The following HS6ST2 variants were observed in gnomAD, a reference collection of about 807,000 sequenced individuals.
HS6ST2 encodes heparan sulfate 6-O-sulfotransferase 2.
In HS6ST2, 17 loss-of-function variants were observed where a neutral mutation model predicts 33.0. The observed-to-expected ratio is 0.52, with a 90% CI of 0.35 to 0.77. HS6ST2 has a LOEUF of 0.77. HS6ST2 is among the 30% of genes least tolerant of loss of function. The probability of loss-of-function intolerance (pLI) is 0.01; values close to 1 mark genes in which losing one functional copy is unlikely to be tolerated. For missense variants in HS6ST2, 519 were observed against 551.7 expected (o/e 0.94, Z 0.59); for synonymous variants, 248 against 237.1 (o/e 1.05, Z -0.42).
At chrX:132,637,878 A>ATTATATATATATTTTATATATTATAT (rs1218862211) in intron 4 of HS6ST2, among the ~76,000 whole-genome samples, 1 of 43,071 alleles carries the variant, frequency 2.3e-5, no homozygotes, top group Non-Finnish European at 3.2e-5. Flanking sequence ...TATATATAAT[A>ATTATATATATATTTTATATATTATAT]TATATATAAT....
At chrX:132,802,726 C>T (rs1393821150) in intron 2 of HS6ST2, among the ~76,000 whole-genome samples, 1 of 109,794 alleles carries the variant, frequency 9.1e-6, no homozygotes, top group Non-Finnish European at 1.9e-5. Context: ...GCAAAAACAC[C>T]AAACTGAGCC....
intron 2 of HS6ST2, among the ~76,000 whole-genome samples, chrX:132,757,830 C>A (rs1191382349): frequency 1.8e-5 from 2 of 111,919 alleles, no homozygotes; most frequent in African/African-American, 3.2e-5. Context: ...ATGTTTTGGG[C>A]TCATTTATAG....
At chrX:132,884,576 G>A (rs2066226778) in intron 2 of HS6ST2, among the ~76,000 whole-genome samples, 1 of 112,172 alleles carries the variant, frequency 8.9e-6, no homozygotes, top group African/African-American at 3.2e-5. Context: ...AAGAGTAACT[G>A]TGTCTAATCT....
chrX:132,664,581 T>C (rs1307049786), intron 4 of HS6ST2, among the ~76,000 whole-genome samples: 1 of 111,702 alleles, frequency 9.0e-6, no homozygotes, highest in East Asian at 2.8e-4. Context: ...ACCTTCTTTT[T>C]CTCCATTTTA....
chrX:132,942,928 G>C (rs936967419), intron 2 of HS6ST2, among the ~76,000 whole-genome samples: 14 of 111,998 alleles, frequency 1.3e-4, no homozygotes, highest in Non-Finnish European at 2.3e-4. Flanking sequence ...TTAAAATACA[G>C]TTAAGGTCCT....
intron 2 of HS6ST2, among the ~76,000 whole-genome samples, chrX:132,880,947 G>A (rs1479769642): frequency 9.1e-6 from 1 of 109,576 alleles, no homozygotes; most frequent in East Asian, 2.9e-4. Context: ...CCCTACAAAG[G>A]ACATGCACTC....
chrX:132,712,372 C>T (rs767173373), intron 2 of HS6ST2, among the ~76,000 whole-genome samples: 1 of 111,955 alleles, frequency 8.9e-6, no homozygotes, highest in South Asian at 3.7e-4. Context: ...GCAAAAAATG[C>T]CTTATGTTAA....
Position 132,781,218 on chromosome X carries a change from T to G in HS6ST2, c.948-72724A>C, listed in dbSNP as rs758254476. On this transcript the variant is annotated intron_variant, in intron 2 of 4. Coordinates refer to ENST00000370833, the MANE Select transcript of HS6ST2 (RefSeq NM_001394073.1). ...GAAAAGATATAAGACAATAACCCAA[T>G]TGGTTTGAAAGGTTAAAAGGCTAGG... is the stretch of plus-strand genomic sequence containing the variant. Among the ~76,000 whole-genome samples, 29 of 111,822 alleles carry G rather than the reference T, an allele frequency of 2.6e-4. No individual in the cohort carries two copies. The East Asian group carries it at 6.5e-3, about 25-fold the overall frequency.
intron 2 of HS6ST2, among the ~76,000 whole-genome samples, chrX:132,861,414 A>AT (rs1469246805): frequency 3.0e-4 from 33 of 111,480 alleles, no homozygotes; most frequent in Non-Finnish European, 1.3e-4. Flanking sequence ...TTTCCTTAGG[A>AT]TTTTTTTCTC....
At chrX:132,958,719 T>C, upstream of HS6ST2, 1 of 725,261 alleles carries the variant, frequency 1.4e-6, no homozygotes, top group African/African-American at 2.1e-5. Flanking sequence ...GGGTTTTCTC[T>C]TTTCTTGGAG....
At chrX:132,741,302 G>GC (rs1556425442) in intron 2 of HS6ST2, among the ~76,000 whole-genome samples, 1 of 97,006 alleles carries the variant, frequency 1.0e-5, no homozygotes, top group Non-Finnish European at 2.1e-5. Flanking sequence ...TTTTGGTTTT[G>GC]TTTTTTTTTT....
intron 2 of HS6ST2, among the ~76,000 whole-genome samples, chrX:132,932,449 G>A (rs2066782060): frequency 8.9e-6 from 1 of 111,778 alleles, no homozygotes; most frequent in South Asian, 3.7e-4. Context: ...GATTCACACA[G>A]GGGAGAAATA....
intron 2 of HS6ST2, among the ~76,000 whole-genome samples, chrX:132,911,255 G>A (rs184465291): frequency 2.2e-3 from 239 of 109,754 alleles, no homozygotes; most frequent in Non-Finnish European, 3.5e-3. Context: ...CCTTCCCACC[G>A]CTCCTGGCCC....
At chrX:132,662,798 A>C (rs1300385895) in intron 4 of HS6ST2, among the ~76,000 whole-genome samples, 1 of 112,165 alleles carries the variant, frequency 8.9e-6, no homozygotes, top group African/African-American at 3.2e-5. Flanking sequence ...TGTAGCATCT[A>C]ATCTATGGGC....
At chrX:132,829,235 T>C (rs2065563436) in intron 2 of HS6ST2, among the ~76,000 whole-genome samples, 2 of 102,034 alleles carry the variant, frequency 2.0e-5, no homozygotes, top group African/African-American at 7.1e-5. Context: ...TGTAAAGATA[T>C]GTGAAGCACA....
At chrX:132,812,075 G>A (rs974764821) in intron 2 of HS6ST2, among the ~76,000 whole-genome samples, 89 of 108,792 alleles carry the variant, frequency 8.2e-4, no homozygotes, top group Admixed American at 4.0e-4. Flanking sequence ...CAATTTCTCC[G>A]CATCCTCAAC....
rs1008754508 is a variant in HS6ST2, at chrX:132,694,469, T to A, written c.980+13993A>T. On this transcript the variant is annotated intron_variant, in intron 3 of 4. Transcript: ENST00000370833. ...AGGTAAAGCAAGGAGACCAGTGTGA[T>A]TAGAGAAAAATGGGCCTGAGGCAGG... is the stretch of plus-strand genomic sequence containing the variant. Among the ~76,000 whole-genome samples, 7 of 111,043 alleles carry A rather than the reference T, an allele frequency of 6.3e-5. No individual in the cohort carries two copies. The Admixed American group carries it at 6.7e-4, about 11-fold the overall frequency.
chrX:132,913,829 A>G (rs1262679476), intron 2 of HS6ST2, among the ~76,000 whole-genome samples: 2 of 112,150 alleles, frequency 1.8e-5, no homozygotes, highest in Non-Finnish European at 3.8e-5. Context: ...CAGTCCTATG[A>G]GGATTGAGGT....
At chrX:132,923,765 G>A (rs1260842805) in intron 2 of HS6ST2, among the ~76,000 whole-genome samples, 1 of 110,984 alleles carries the variant, frequency 9.0e-6, no homozygotes, top group African/African-American at 3.3e-5. Flanking sequence ...GCTGAGCAGA[G>A]AATGGAACCT....
Sources: gnomAD v4.1 joint callset for allele counts (sites outside exome capture counted in the v4.1 genomes callset) on GRCh38, gnomAD v4.1.1 for gene constraint, MANE v1.5 for transcripts, NCBI Gene and HGNC (gene_info 2026-07-23, HGNC 2026-07-21) for gene names.